RBM10: variants seen among roughly 807,000 people sequenced by gnomAD.
The protein encoded by RBM10 is RNA binding motif protein 10.
RBM10 carries 1 observed loss-of-function variant against 84.9 expected under a neutral mutation model. The ratio of observed to expected loss-of-function variants is 0.01; its 90% CI spans 0.00 to 0.06. The LOEUF (loss-of-function observed/expected upper bound fraction) is 0.06. Ranked by LOEUF, RBM10 falls within the 10% of genes least tolerant of loss-of-function variation. The pLI, the probability that RBM10 is intolerant of heterozygous loss-of-function variation, is 1.00. For missense variants in RBM10, 438 were observed against 839.0 expected, an observed-to-expected ratio of 0.52 and a Z score of 5.90; for synonymous variants, 326 against 344.5, an observed-to-expected ratio of 0.95 and a Z score of 0.60.
intron 2 of RBM10, among the ~76,000 whole-genome samples, chrX:47,161,990 G>A (rs1175730881): frequency 1.8e-5 from 2 of 110,772 alleles, no homozygotes; most frequent in Non-Finnish European, 3.8e-5. Context: ...TTACAGGCAC[G>A]CGTTACCACA....
intron 6 of RBM10, among the ~76,000 whole-genome samples, chrX:47,175,936 C>T (rs1013824151): frequency 8.9e-6 from 1 of 112,471 alleles, no homozygotes; most frequent in African/African-American, 3.2e-5. Flanking sequence ...GGGATCCCGG[C>T]AGAGGCAGCC....
chrX:47,165,773 G>A (rs1602539246), intron 2 of RBM10, among the ~76,000 whole-genome samples: 1 of 111,265 alleles, frequency 9.0e-6, no homozygotes, highest in African/African-American at 3.3e-5. Flanking sequence ...TGTAATCCCA[G>A]CATTTTGGGA....
At chrX:47,157,407 T>C (rs1223374853) in intron 2 of RBM10, 1 of 328,087 alleles carries the variant, frequency 3.0e-6, no homozygotes, top group Non-Finnish European at 5.7e-6. Flanking sequence ...GTTGGTGCCG[T>C]GAGCCACTCT....
chrX:47,155,665 G>A (rs1322120922), intron 2 of RBM10, among the ~76,000 whole-genome samples: 2 of 99,316 alleles, frequency 2.0e-5, no homozygotes, highest in East Asian at 3.3e-4. Flanking sequence ...CCCGGGTGGC[G>A]GAGCTTGCAG....
At chrX:47,180,650 C>A in intron 12 of RBM10, 144 bp downstream of exon 12, 1 of 1,026,420 alleles carries the variant, frequency 9.7e-7, no homozygotes, top group South Asian at 2.3e-5. Flanking sequence ...TTCTACCTTG[C>A]TCCTGGCTCT....
chrX:47,156,127 A>G (rs1933124898), intron 2 of RBM10, among the ~76,000 whole-genome samples: 1 of 110,146 alleles, frequency 9.1e-6, no homozygotes, highest in South Asian at 3.8e-4. Flanking sequence ...TCTACTATTA[A>G]CGTTTTACCA....
rs1466639676 is a variant in RBM10 at position 47,186,050 on chromosome X, C to A, written c.2431-15C>A. The stretch of plus-strand genomic sequence containing the variant: ...ACCAGCTCCCCAACATTCACATACA[C>A]ATACAAACTTTCAGCAAATGAAGTA... On this transcript the variant is annotated splice_polypyrimidine_tract_variant and intron_variant, in intron 21 of 23. Transcript: ENST00000377604. 8.3e-7 allele frequency: 1 copy of A among 1,209,605 alleles called. No individual in the cohort carries two copies. The highest frequency in any genetic ancestry group is 1.8e-5 in the South Asian group (1 of 56,956).
rs1192078507 is a variant in RBM10 at position 47,181,460 on chromosome X, G to A, written c.1436-47G>A. On this transcript the variant is annotated intron_variant, in intron 13 of 23. Coordinates refer to ENST00000377604, the MANE Select transcript of RBM10 (RefSeq NM_005676.5). ...GGGGGCCAGCAGGCATAAAGTCCCC[G>A]GCCCCATTATTCACAGGCATTGTCC... 13 of 1,208,826 alleles carry A rather than the reference G, an allele frequency of 1.1e-5. No homozygotes were observed. In the Admixed American group the frequency reaches 1.5e-4, roughly 14 times the overall value.
chrX:47,180,072 C>T, intron 10 of RBM10, 32 bp downstream of exon 10: 1 of 1,208,121 alleles, frequency 8.3e-7, no homozygotes, highest in Non-Finnish European at 1.1e-6. Context: ...GCCGGGCAGC[C>T]AGGGTCCCGG....
intron 5 of RBM10, 112 bp downstream of exon 5, chrX:47,173,309 G>A (rs1039213261): frequency 3.1e-5 from 36 of 1,164,090 alleles, no homozygotes; most frequent in Non-Finnish European, 2.4e-5. Context: ...TGCCACAGCT[G>A]GGAATGGGCA....
chrX:47,185,983 G>A, intron 21 of RBM10, 82 bp from the exon 22 acceptor site: 1 of 1,162,269 alleles, frequency 8.6e-7, no homozygotes, highest in South Asian at 1.9e-5. Context: ...GGCATGCCCT[G>A]TGGGACCCCA....
chrX:47,179,211 A>C (rs782213596), intron 8 of RBM10, 48 bp downstream of exon 8: 1 of 1,198,516 alleles, frequency 8.3e-7, no homozygotes, highest in East Asian at 3.0e-5. Context: ...GCGGTTGGGG[A>C]GAAGGGAAGG....
At chrX:47,181,703 A>G in intron 14 of RBM10, 46 bp from the exon 15 acceptor site, 1 of 1,209,441 alleles carries the variant, frequency 8.3e-7, no homozygotes, top group Non-Finnish European at 1.1e-6. Flanking sequence ...CAGGGGTGGC[A>G]TGGGCAGACA....
rs868936604 is a variant in RBM10, at chrX:47,185,649, C to T, written c.2355+19C>T. On this transcript the variant is annotated intron_variant, in intron 20 of 23. Transcript: ENST00000377604. ...CCACAAGGTAACAGCGGATGGTTGGCAGGGCATGCTGGGGCCTGGCCCACT... is the reference window on the plus strand; with the variant it reads ...CCACAAGGTAACAGCGGATGGTTGGTAGGGCATGCTGGGGCCTGGCCCACT... 5.8e-6 allele frequency: 7 copies of T among 1,206,716 alleles called. No individual in the cohort carries two copies. The Middle Eastern group carries it at 1.1e-3, about 198-fold the overall frequency.
intron 2 of RBM10, among the ~76,000 whole-genome samples, chrX:47,168,268 G>A (rs1934377853): frequency 8.9e-6 from 1 of 111,817 alleles, no homozygotes; most frequent in African/African-American, 3.3e-5. Context: ...CACAGATTAG[G>A]CCATGCACAG....
chrX:47,174,913 C>G, intron 5 of RBM10, 106 bp from the exon 6 acceptor site: 2 of 583,584 alleles, frequency 3.4e-6, no homozygotes, highest in Non-Finnish European at 5.9e-6. Context: ...CTTCCCCTTT[C>G]CCTCTCTGCC....
chrX:47,157,661 C>A, intron 2 of RBM10: 1 of 526,500 alleles, frequency 1.9e-6, no homozygotes, highest in Admixed American at 2.5e-5. Flanking sequence ...ACCTGTGCAC[C>A]AGCTCCAGGG....
chrX:47,169,234 C>T lies in RBM10; in HGVS notation c.18-81C>T, dbSNP rs782797886. 2.7e-4 allele frequency: 271 copies of T among 1,010,791 alleles called. 1 individual carries two copies. In the African/African-American group the frequency reaches 4.2e-3, roughly 16 times the overall value. The allele number at this position is 1,010,791 out of a possible 1,213,427, so 83.3% of individuals were successfully genotyped here. On this transcript the variant is annotated intron_variant, in intron 2 of 23. Transcript: ENST00000377604. Reference sequence around the variant, plus strand: ...CTCCTCCAAAAAAACCAAAACCCTACGAGAACACATCACCTGGGCCTCTTG... The same window carrying T: ...CTCCTCCAAAAAAACCAAAACCCTATGAGAACACATCACCTGGGCCTCTTG...
chrX:47,170,753 T>A (rs958879941), intron 3 of RBM10, among the ~76,000 whole-genome samples: 1 of 112,175 alleles, frequency 8.9e-6, no homozygotes, highest in Non-Finnish European at 1.9e-5. Context: ...AGCTGTGTCT[T>A]GTCAGCTACC....
Sources: gnomAD v4.1 joint callset for allele counts (sites outside exome capture counted in the v4.1 genomes callset) on GRCh38, gnomAD v4.1.1 for gene constraint, MANE v1.5 for transcripts, NCBI Gene and HGNC (gene_info 2026-07-23, HGNC 2026-07-21) for gene names.